TMEM245: variants seen among roughly 807,000 people sequenced by gnomAD.
TMEM245 encodes protein CG-2.
In TMEM245, 69 loss-of-function variants were observed where a neutral mutation model predicts 101.2. The observed-to-expected ratio is 0.68, with a 90% CI of 0.56 to 0.83. The LOEUF is 0.83. Ranked by LOEUF, TMEM245 falls within the 40% of genes least tolerant of loss-of-function variation. The pLI is 0.00. For synonymous variants in TMEM245, 537 were observed against 449.8 expected (o/e 1.19, Z -2.45); for missense variants, 1,075 against 1,092.8 (o/e 0.98, Z 0.23).
chr9:109,088,968 T>C (rs1022081265), intron 5 of TMEM245, among the ~76,000 whole-genome samples: 6 of 152,026 alleles, frequency 3.9e-5, no homozygotes, highest in Admixed American at 3.3e-4. Context: ...GAAGTTCTGT[T>C]TGAGGACAGA....
intron 14 of TMEM245, among the ~76,000 whole-genome samples, chr9:109,045,175 C>T (rs916284404): frequency 1.3e-5 from 2 of 152,188 alleles, no homozygotes; most frequent in Non-Finnish European, 2.9e-5. Context: ...CTTATGCCTT[C>T]TAAGTAATTT....
chr9:109,064,368 C>T, intron 10 of TMEM245, 109 bp downstream of exon 10: 2 of 915,754 alleles, frequency 2.2e-6, no homozygotes, highest in Non-Finnish European at 3.3e-6. Context: ...TTATTTAAGC[C>T]TATTTACTGC....
rs567584891 is a variant in TMEM245 at position 109,064,517 on chromosome 9, T to A, written c.1583A>T (p.Asn528Ile). 6.2e-7 allele frequency: 1 copy of A among 1,614,018 alleles called. No individual in the cohort carries two copies. The highest frequency in any genetic ancestry group is 1.3e-5 in the African/African-American group (1 of 75,056). Residue 528 changes from asparagine (N) to isoleucine (I), a missense_variant, in exon 10 of 18, where the codon AAC becomes ATC. Around this residue, in one of 2 missense-constraint regions of TMEM245, gnomAD observed 808 missense variants for 741.5 expected, o/e 1.09. Coordinates refer to ENST00000374586, the MANE Select transcript of TMEM245 (RefSeq NM_032012.4). The stretch of plus-strand genomic sequence containing the variant: ...TTCTCGTCCATACTGATACACGTTG[T>A]TAGCCGCAGAATTCAGGGCTCTTTG... ...VVQRALNSAA[N>I]NVYQYGREWI...
chr9:109,028,849 G>A (rs1318218690), intron 17 of TMEM245, among the ~76,000 whole-genome samples: 1 of 152,026 alleles, frequency 6.6e-6, no homozygotes, highest in African/African-American at 2.4e-5. Flanking sequence ...CCAACAACAG[G>A]ACTGCTTGAA....
intron 6 of TMEM245, 141 bp from the exon 7 acceptor site, chr9:109,086,161 CTG>C: frequency 1.3e-6 from 1 of 771,186 alleles, no homozygotes; most frequent in South Asian, 1.7e-5. Context: ...GACGGAAAAA[CTG>C]TAACACATCA....
At position 109,072,492 on chromosome 9, in the gene TMEM245, G is replaced by A. The variant is rs544122038; in HGVS notation, c.1532+864C>T. Among the ~76,000 whole-genome samples, 10 of 152,272 alleles carry A rather than the reference G, an allele frequency of 6.6e-5. No homozygotes were observed. The East Asian group carries it at 1.9e-3, about 29-fold the overall frequency. Reference sequence around the variant, plus strand: ...TAAACAGTGTGGAGACCAGAGCTCAGCGCCTTTTGCAGCCTCCATTATGCA... The same window carrying A: ...TAAACAGTGTGGAGACCAGAGCTCAACGCCTTTTGCAGCCTCCATTATGCA... On this transcript the variant is annotated intron_variant, in intron 9 of 17. Coordinates refer to ENST00000374586, the MANE Select transcript of TMEM245 (RefSeq NM_032012.4).
At chr9:109,114,930 T>C (rs540730669) in intron 1 of TMEM245, among the ~76,000 whole-genome samples, 2 of 152,276 alleles carry the variant, frequency 1.3e-5, no homozygotes, top group East Asian at 1.9e-4. Flanking sequence ...TGAAAAAGAA[T>C]TACTCATCCC....
chr9:109,068,557 T>A (rs530074115), intron 9 of TMEM245, among the ~76,000 whole-genome samples: 1 of 152,006 alleles, frequency 6.6e-6, no homozygotes, highest in South Asian at 2.1e-4. Context: ...AGGAATCGCT[T>A]GAACCCAGGA....
chr9:109,073,441 G>A lies in TMEM245; in HGVS notation c.1450-3C>T, dbSNP rs1250348460. ...ATGTGTACACTCTCTTGATGTACCT[G>A]TATTACAGATAAAGAAAGAAAAGAA... On this transcript the variant is annotated splice_polypyrimidine_tract_variant and splice_region_variant and intron_variant, in intron 8 of 17. Coordinates refer to ENST00000374586, the MANE Select transcript of TMEM245 (RefSeq NM_032012.4). 3 of 1,586,656 alleles carry A rather than the reference G, an allele frequency of 1.9e-6. No homozygotes were observed. Among genetic ancestry groups the A allele is most frequent in the Non-Finnish European group, 2.6e-6 (3 of 1,161,308 alleles).
At chr9:109,090,802 ATAAG>A in intron 5 of TMEM245, 116 bp downstream of exon 5, 1 of 840,426 alleles carries the variant, frequency 1.2e-6, no homozygotes, top group Admixed American at 2.9e-5. Flanking sequence ...AAATGCAAAC[ATAAG>A]ATTGTTTTAC....
intron 14 of TMEM245, among the ~76,000 whole-genome samples, chr9:109,043,312 C>G (rs1475735319): frequency 1.3e-5 from 2 of 152,142 alleles, no homozygotes; most frequent in Non-Finnish European, 2.9e-5. Context: ...CTAAAGGTGA[C>G]CATGTATGAC....
At chr9:109,061,281 G>C (rs1324033759) in intron 10 of TMEM245, among the ~76,000 whole-genome samples, 1 of 152,024 alleles carries the variant, frequency 6.6e-6, no homozygotes, top group Non-Finnish European at 1.5e-5. Flanking sequence ...ACGCCAACAT[G>C]CTCCAGCCTG....
chr9:109,115,933 G>A (rs1230322944), intron 1 of TMEM245, among the ~76,000 whole-genome samples: 1 of 152,180 alleles, frequency 6.6e-6, no homozygotes, highest in Non-Finnish European at 1.5e-5. Context: ...GACTTCAACT[G>A]CTGCTAGGTC....
intron 1 of TMEM245, among the ~76,000 whole-genome samples, chr9:109,111,082 A>C (rs1050337004): frequency 2.4e-4 from 36 of 152,308 alleles, no homozygotes; most frequent in African/African-American, 8.4e-4. Context: ...AAAGAAAAAA[A>C]AAGTTTTGCT....
intron 2 of TMEM245, among the ~76,000 whole-genome samples, 183 bp downstream of exon 2, chr9:109,108,270 C>T (rs1830478622): frequency 6.6e-6 from 1 of 151,958 alleles, no homozygotes; most frequent in South Asian, 2.1e-4. Context: ...TAATTAAAGA[C>T]ATTTTAAAGC....
At position 109,091,017 on chromosome 9, in the gene TMEM245, C is replaced by G. The variant is rs750978310; in HGVS notation, c.1055G>C (p.Ser352Thr). 4 of 1,614,056 alleles carry G rather than the reference C, an allele frequency of 2.5e-6. No homozygotes were observed. The highest frequency in any genetic ancestry group is 1.7e-5 in the Admixed American group (1 of 59,982). The change falls in exon 5 of 18, where the codon AGT becomes ACT. Residue 352 changes from serine (S) to threonine (T), a missense_variant. This residue lies in a region of TMEM245 where 808 missense variants were observed against 741.5 expected (regional missense o/e 1.09). Transcript: ENST00000374586. ...IGTFLRKKKTSDIYFVSLVWA... is the reference protein window; with the variant it reads ...IGTFLRKKKTTDIYFVSLVWA... ...AACTAGAGACACAAAGTAGATGTCA[C>G]TAGTTTTCTTCTTTCTAAGAAACGT... is the stretch of plus-strand genomic sequence containing the variant.
chr9:109,112,732 T>C (rs1830599324), intron 1 of TMEM245, among the ~76,000 whole-genome samples: 2 of 152,158 alleles, frequency 1.3e-5, no homozygotes, highest in Non-Finnish European at 2.9e-5. Flanking sequence ...TAGGAGCCTT[T>C]ACATCAAGCA....
At position 109,078,427 on chromosome 9, in the gene TMEM245, A is replaced by T. The variant is rs1315113904; in HGVS notation, c.1449+2412T>A. Among the ~76,000 whole-genome samples the T allele has an allele frequency of 2.6e-5, 4 of 152,328 alleles. No individual in the cohort carries two copies. In the East Asian group the frequency reaches 7.7e-4, roughly 29 times the overall value. On this transcript the variant is annotated intron_variant, in intron 8 of 17. Transcript: ENST00000374586. ...AAGGAGCTCTGTTAGCATTCCATAT[A>T]AGTGCAGGTCTGCTATCAACAAATT... is the stretch of plus-strand genomic sequence containing the variant.
chr9:109,039,664 G>C (rs2132338198), intron 14 of TMEM245, among the ~76,000 whole-genome samples: 2 of 152,186 alleles, frequency 1.3e-5, no homozygotes, highest in South Asian at 4.2e-4. Flanking sequence ...GGCAAGTGGA[G>C]AGAAAATAGG....
Sources: allele counts gnomAD v4.1 joint callset (sites outside exome capture counted in the v4.1 genomes callset), GRCh38; gene constraint gnomAD v4.1.1; regional missense constraint gnomAD v4.1.1; transcripts MANE v1.5; gene names NCBI Gene and HGNC (gene_info 2026-07-23, HGNC 2026-07-21).